The following TRAP1 variants were observed in gnomAD, a reference collection of about 807,000 sequenced individuals.
The protein encoded by TRAP1 is TNF receptor associated protein 1, also known as heat shock protein 75 kDa, mitochondrial.
A neutral mutation model predicts 89.1 loss-of-function variants in TRAP1; 102 were observed. That is an observed-to-expected ratio of 1.15 (90% CI 0.98 to 1.35). The LOEUF is 1.35. TRAP1 is among the 40% of genes most tolerant of loss of function. The pLI is 0.00. For missense variants in TRAP1, 1,256 were observed against 945.3 expected (o/e 1.33, Z -4.31); for synonymous variants, 508 against 388.0 (o/e 1.31, Z -3.64).
chr16:3,707,198 T>C (rs1343937196), intron 1 of TRAP1, among the ~76,000 whole-genome samples: 9 of 149,904 alleles, frequency 6.0e-5, no homozygotes, highest in Non-Finnish European at 1.3e-4. Context: ...TTTTTTTTTT[T>C]TTTTTGAGGC....
Position 3,686,141 on chromosome 16 carries a change from A to G in TRAP1, c.331-5T>C. The G allele has an allele frequency of 6.2e-7, 1 of 1,613,650 alleles. No individual in the cohort carries two copies. The highest frequency in any genetic ancestry group is 1.3e-5 in the African/African-American group (1 of 75,042). ...GATCAGCTCCCGTATAAACACCTACAGGAATAGAAATGGGAGGCACAGACA... is the reference window on the plus strand; with the variant it reads ...GATCAGCTCCCGTATAAACACCTACGGGAATAGAAATGGGAGGCACAGACA... On this transcript the variant is annotated splice_polypyrimidine_tract_variant and splice_region_variant and intron_variant, in intron 3 of 17. Coordinates refer to ENST00000246957, the MANE Select transcript of TRAP1 (RefSeq NM_016292.3).
At chr16:3,705,731 G>C (rs891379876) in intron 1 of TRAP1, among the ~76,000 whole-genome samples, 2 of 152,230 alleles carry the variant, frequency 1.3e-5, no homozygotes, top group East Asian at 1.9e-4. Context: ...CCAGGCTGGA[G>C]TGCAATGACA....
chr16:3,685,455 C>A (rs2051126408), intron 4 of TRAP1, among the ~76,000 whole-genome samples: 1 of 152,156 alleles, frequency 6.6e-6, no homozygotes, highest in Non-Finnish European at 1.5e-5. Flanking sequence ...CGAGGCCAGT[C>A]TGTCCACCTC....
intron 1 of TRAP1, among the ~76,000 whole-genome samples, chr16:3,706,127 G>A (rs997098287): frequency 1.3e-5 from 2 of 149,756 alleles, no homozygotes; most frequent in Non-Finnish European, 3.0e-5. Context: ...GTTAATTTTT[G>A]TATTTTTAGT....
chr16:3,670,374 C>T (rs2050895946), intron 11 of TRAP1, among the ~76,000 whole-genome samples: 1 of 60,388 alleles, frequency 1.7e-5, no homozygotes, highest in South Asian at 5.4e-4. Context: ...CAGAGCAAGA[C>T]TCCGTCTCAA....
intron 1 of TRAP1, among the ~76,000 whole-genome samples, chr16:3,705,521 C>G (rs994363204): frequency 2.6e-5 from 4 of 152,170 alleles, no homozygotes; most frequent in Non-Finnish European, 4.4e-5. Flanking sequence ...TGAAATCATA[C>G]AATATATGGT....
intron 11 of TRAP1, among the ~76,000 whole-genome samples, chr16:3,667,206 G>A (rs2050845859): frequency 1.3e-5 from 2 of 152,256 alleles, no homozygotes; most frequent in Non-Finnish European, 1.5e-5. Context: ...GTCCAGGCTG[G>A]GGGCGTGACC....
At chr16:3,675,981 G>T in intron 7 of TRAP1, 55 bp downstream of exon 7, 1 of 1,457,700 alleles carries the variant, frequency 6.9e-7, no homozygotes, top group Non-Finnish European at 9.5e-7. Context: ...TGACCTGGTG[G>T]CCTCCAGGCC....
rs1376541753 is a variant in TRAP1, at chr16:3,708,889, C to T, written c.88+8532G>A. Among the ~76,000 whole-genome samples the T allele has an allele frequency of 3.4e-5, 5 of 148,848 alleles. No homozygotes were observed. In the South Asian group the frequency reaches 6.5e-4, roughly 19 times the overall value. ...GGAGTGCAGTGGTGCGATCGCGGCT[C>T]ACTGCAAGCTCCGCTTCCTGGGTTC... On this transcript the variant is annotated intron_variant, in intron 1 of 17. Coordinates refer to ENST00000246957, the MANE Select transcript of TRAP1 (RefSeq NM_016292.3).
chr16:3,699,114 A>G (rs1422123501), intron 1 of TRAP1, among the ~76,000 whole-genome samples: 2 of 152,038 alleles, frequency 1.3e-5, no homozygotes, highest in African/African-American at 2.4e-5. Flanking sequence ...GTGACACCAC[A>G]CACCCCTCCC....
At position 3,677,619 on chromosome 16, in the gene TRAP1, T is replaced by A; in HGVS notation, c.583A>T (p.Ser195Cys). The change falls in exon 6 of 18, where the codon AGC (serine) becomes TGC (cysteine). Residue 195 changes from serine to cysteine, a missense_variant. Coordinates refer to ENST00000246957, the MANE Select transcript of TRAP1 (RefSeq NM_016292.3). ...ACTCCAAACTGGCCGATGATCTTGC[T>A]GCTGGCCTCAGCCTGGTTCTGCAGA... ...DALQNQAEAS[S>C]KIIGQFGVGF... The A allele has an allele frequency of 6.2e-7, 1 of 1,614,112 alleles. No individual in the cohort carries two copies. The highest frequency in any genetic ancestry group is 1.6e-4 in the Middle Eastern group (1 of 6,062).
intron 9 of TRAP1, 63 bp from the exon 10 acceptor site, chr16:3,672,883 G>T: frequency 6.4e-7 from 1 of 1,557,310 alleles, no homozygotes. Flanking sequence ...CCCTGGCTGG[G>T]AGGTGGGGGC....
chr16:3,714,413 C>A (rs1010922061), intron 1 of TRAP1, among the ~76,000 whole-genome samples: 1 of 152,208 alleles, frequency 6.6e-6, no homozygotes, highest in Non-Finnish European at 1.5e-5. Flanking sequence ...GTAATCCCAG[C>A]ATTTTGGGAG....
At chr16:3,663,586 C>T in intron 13 of TRAP1, 24 bp from the exon 14 acceptor site, 1 of 1,612,840 alleles carries the variant, frequency 6.2e-7, no homozygotes, top group Middle Eastern at 1.7e-4. Flanking sequence ...AGAGCAGCTC[C>T]ATCAGACCCC....
intron 1 of TRAP1, among the ~76,000 whole-genome samples, chr16:3,697,557 G>T (rs1441350565): frequency 6.6e-6 from 1 of 151,366 alleles, no homozygotes; most frequent in Non-Finnish European, 1.5e-5. Context: ...CCAGCTACTT[G>T]GGAGGCTGAG....
intron 9 of TRAP1, 136 bp from the exon 10 acceptor site, chr16:3,672,956 A>C (rs2050935174): frequency 7.5e-7 from 1 of 1,329,998 alleles, no homozygotes; most frequent in Non-Finnish European, 1.0e-6. Context: ...TCTGAGTTGA[A>C]GCCCAGTGCA....
At position 3,664,454 on chromosome 16, in the gene TRAP1, G is replaced by A. The variant is rs1893305720; in HGVS notation, c.1389C>T (p.Asp463=). 4 of 1,609,838 alleles carry A rather than the reference G, an allele frequency of 2.5e-6. No homozygotes were observed. Among genetic ancestry groups the A allele is most frequent in the East Asian group, 4.5e-5 (2 of 44,794 alleles). Residue 463 remains aspartate, a synonymous_variant, in exon 13 of 18, where the codon GAC becomes GAT. Coordinates refer to ENST00000246957, the MANE Select transcript of TRAP1 (RefSeq NM_016292.3). The part of the protein sequence containing the change: ...VTATEQEVKE[D]IAKLLRYESS... ...ACTCGTAGCGCAGCAGCTTTGCTAT[G>A]TCCTCCTAGAAGGGACGGGGCAGGT...
At position 3,658,157 on chromosome 16, in the gene TRAP1, A is replaced by G; in HGVS notation, c.2087T>C (p.Leu696Pro). The G allele has an allele frequency of 6.2e-7, 1 of 1,614,094 alleles. No individual in the cohort carries two copies. Among genetic ancestry groups the G allele is most frequent in the Non-Finnish European group, 8.5e-7 (1 of 1,180,010 alleles). The change falls in exon 18 of 18, where the codon CTG becomes CCG. Residue 696 changes from leucine (L) to proline (P), a missense_variant. Physicochemically the swap from Leu to Pro is moderately conservative, Grantham distance 98. Transcript: ENST00000246957. ...GTGTCGCTCCAGGGCCTTGACAAGCAGCTCATTCAAGCGGCCCACCATGGC... is the reference window on the plus strand; with the variant it reads ...GTGTCGCTCCAGGGCCTTGACAAGCGGCTCATTCAAGCGGCCCACCATGGC... ...PRAMVGRLNE[L>P]LVKALERH
intron 11 of TRAP1, among the ~76,000 whole-genome samples, chr16:3,667,277 T>G (rs2050847388): frequency 3.3e-5 from 5 of 151,852 alleles, no homozygotes; most frequent in Admixed American, 3.3e-4. Context: ...AAGAGGGCAG[T>G]GGCAATGGTA....
Sources: allele counts gnomAD v4.1 joint callset (sites outside exome capture counted in the v4.1 genomes callset), GRCh38; gene constraint gnomAD v4.1.1; transcripts MANE v1.5; gene names NCBI Gene and HGNC (gene_info 2026-07-23, HGNC 2026-07-21).